ADRA1B: variants seen among roughly 807,000 people sequenced by gnomAD.
The protein encoded by ADRA1B is alpha-1B adrenergic receptor.
In ADRA1B, 17 loss-of-function variants were observed where a neutral mutation model predicts 17.9. The ratio of observed to expected loss-of-function variants is 0.95; its 90% confidence interval spans 0.65 to 1.42. The LOEUF is 1.42. ADRA1B is among the 40% of genes most tolerant of loss of function. ADRA1B has a pLI of 0.00. For missense variants in ADRA1B, 681 were observed against 722.1 expected (o/e 0.94, Z 0.65); for synonymous variants, 366 against 327.6 (o/e 1.12, Z -1.27).
intron 1 of ADRA1B, among the ~76,000 whole-genome samples, chr5:159,934,657 T>A (rs1754904357): frequency 1.3e-5 from 2 of 151,746 alleles, no homozygotes; most frequent in African/African-American, 4.8e-5. Flanking sequence ...ATACAAAAAT[T>A]AGCCCGGTAT....
chr5:159,946,448 A>G (rs1755274384), intron 1 of ADRA1B, among the ~76,000 whole-genome samples: 1 of 152,228 alleles, frequency 6.6e-6, no homozygotes, highest in African/African-American at 2.4e-5. Context: ...AAAATAAGAA[A>G]GAAAAGATTA....
At chr5:159,872,841 G>A (rs527950089) in intron 1 of ADRA1B, among the ~76,000 whole-genome samples, 147 of 152,232 alleles carry the variant, frequency 9.7e-4, no homozygotes, top group African/African-American at 3.2e-3. Context: ...ATGTGCCGTG[G>A]TGGTTTGCTG....
chr5:159,952,604 G>A lies in ADRA1B; in HGVS notation c.950-19275G>A, dbSNP rs142685339. On this transcript the variant is annotated intron_variant, in intron 1 of 1. Coordinates refer to ENST00000306675, the MANE Select transcript of ADRA1B (RefSeq NM_000679.4). ...TGAGTAAATTACTTCTCTTATAAGT[G>A]TCGATTTCAACATCTGTAAAATGGG... 7.3e-3 allele frequency among the ~76,000 whole-genome samples: 1,106 copies of A among 152,276 alleles called. 15 individuals carry two copies. Among genetic ancestry groups the A allele is most frequent in the African/African-American group, 0.024 (1,002 of 41,544 alleles).
intron 1 of ADRA1B, among the ~76,000 whole-genome samples, chr5:159,927,926 G>A (rs147321115): frequency 2.9e-4 from 44 of 152,306 alleles, no homozygotes; most frequent in Non-Finnish European, 5.9e-4. Context: ...TGTGTATTTC[G>A]TGGGAAGCAG....
intron 1 of ADRA1B, among the ~76,000 whole-genome samples, chr5:159,940,778 T>C (rs1755102793): frequency 6.6e-6 from 1 of 152,206 alleles, no homozygotes; most frequent in Admixed American, 6.5e-5. Flanking sequence ...GTGGTAGTTT[T>C]TATTTTCTTT....
At chr5:159,915,204 C>A (rs1306296008), upstream of ADRA1B, among the ~76,000 whole-genome samples, 2 of 152,140 alleles carry the variant, frequency 1.3e-5, no homozygotes, top group Non-Finnish European at 2.9e-5. Context: ...GCTGAGTACC[C>A]AACTTTGGGA....
intron 1 of ADRA1B, among the ~76,000 whole-genome samples, chr5:159,890,694 C>A (rs542455970): frequency 6.6e-6 from 1 of 152,204 alleles, no homozygotes; most frequent in Non-Finnish European, 1.5e-5. Context: ...GCTCTAAGAG[C>A]CAGACAGAAG....
rs1322274097 is a variant in ADRA1B at position 159,917,361 on chromosome 5, G to A, written c.456G>A (p.Gln152=). 6.2e-7 allele frequency: 1 copy of A among 1,614,162 alleles called. No homozygotes were observed. Among genetic ancestry groups the A allele is most frequent in the East Asian group, 2.2e-5 (1 of 44,880 alleles). The part of the protein sequence containing the change: ...DRYIGVRYSL[Q]YPTLVTRRKA... Reference sequence around the variant, plus strand: ...ACATCGGGGTGCGCTACTCTCTGCAGTATCCCACGCTGGTCACCCGGAGGA... The same window carrying A: ...ACATCGGGGTGCGCTACTCTCTGCAATATCCCACGCTGGTCACCCGGAGGA... Residue 152 remains glutamine (Q), a synonymous_variant, in exon 1 of 2, where the codon CAG becomes CAA. Transcript: ENST00000306675.
intron 1 of ADRA1B, chr5:159,948,388 A>C: frequency 4.1e-6 from 4 of 985,470 alleles, no homozygotes; most frequent in Non-Finnish European, 4.8e-6. Context: ...ACATGAAGAA[A>C]GGAACCTTCA....
chr5:159,889,432 G>A (rs1753959240), intron 1 of ADRA1B, among the ~76,000 whole-genome samples: 1 of 152,138 alleles, frequency 6.6e-6, no homozygotes, highest in Non-Finnish European at 1.5e-5. Context: ...TGTACTTGAA[G>A]CCTCTTCCTA....
At chr5:159,874,550 A>T (rs1274208945) in intron 1 of ADRA1B, among the ~76,000 whole-genome samples, 1 of 152,186 alleles carries the variant, frequency 6.6e-6, no homozygotes, top group Non-Finnish European at 1.5e-5. Context: ...CTTGTCATCA[A>T]GGGGCATCAT....
intron 1 of ADRA1B, chr5:159,947,723 A>ATGCT: frequency 1.0e-6 from 1 of 985,442 alleles, no homozygotes; most frequent in Non-Finnish European, 1.2e-6. Context: ...AAGACGTTGA[A>ATGCT]TGCTTGCTGT....
At chr5:159,962,385 GTGGTGCTGCCATCCGTC>G (rs1163876228) in intron 1 of ADRA1B, among the ~76,000 whole-genome samples, 24 of 132,792 alleles carry the variant, frequency 1.8e-4, no homozygotes, top group East Asian at 8.7e-4. Flanking sequence ...ATCTGTCTGA[GTGGTGCTGCCATCCGTC>G]TGATTTCATT....
chr5:159,947,712 G>A (rs1332384395), intron 1 of ADRA1B: 1 of 985,266 alleles, frequency 1.0e-6, no homozygotes, highest in Non-Finnish European at 1.2e-6. Context: ...CTTTAAGCTT[G>A]AAGACGTTGA....
intron 1 of ADRA1B, among the ~76,000 whole-genome samples, chr5:159,933,430 A>G (rs952824419): frequency 2.0e-5 from 3 of 152,352 alleles, no homozygotes; most frequent in Non-Finnish European, 2.9e-5. Flanking sequence ...GCACATCCAC[A>G]AAGTCTGTTT....
intron 1 of ADRA1B, among the ~76,000 whole-genome samples, chr5:159,947,232 T>C (rs1234305770): frequency 6.6e-6 from 1 of 151,914 alleles, no homozygotes; most frequent in Non-Finnish European, 1.5e-5. Flanking sequence ...TCCCAGCTAG[T>C]CCAGAGGCTG....
At chr5:159,916,278 G>T (rs1754299054), upstream of ADRA1B, 1 of 152,100 alleles carries the variant, frequency 6.6e-6, no homozygotes. Flanking sequence ...CGATCTCCAC[G>T]CCCAGGTCCC....
At chr5:159,981,240 G>A in the ADRA1B span, among the ~76,000 whole-genome samples, 1 of 152,154 alleles carries the variant, frequency 6.6e-6, no homozygotes, top group East Asian at 1.9e-4. Flanking sequence ...TTGGGCAGGG[G>A]TGGGCACTTT....
intron 1 of ADRA1B, 63 bp downstream of exon 1, chr5:159,917,917 T>G: frequency 2.1e-6 from 3 of 1,398,902 alleles, no homozygotes; most frequent in Non-Finnish European, 2.0e-6. Flanking sequence ...ACTGATGAGC[T>G]TACTCTAAAG....
Sources: gnomAD v4.1 joint callset for allele counts (sites outside exome capture counted in the v4.1 genomes callset) on GRCh38, gnomAD v4.1.1 for gene constraint, MANE v1.5 for transcripts, NCBI Gene and HGNC (gene_info 2026-07-23, HGNC 2026-07-21) for gene names.